The following TM4SF20 variants were observed in gnomAD, a reference collection of about 807,000 sequenced individuals.
The protein encoded by TM4SF20 is transmembrane 4 L six family member 20.
TM4SF20 carries 13 observed loss-of-function variants against 15.1 expected under a neutral mutation model. The observed-to-expected ratio is 0.86, with a 90% CI of 0.56 to 1.36. The LOEUF (loss-of-function observed/expected upper bound fraction) is 1.36, where lower values mean the gene tolerates loss of function less well. TM4SF20 is among the 40% of genes most tolerant of loss of function. The pLI, the probability that TM4SF20 is intolerant of heterozygous loss-of-function variation, is 0.00. For synonymous variants in TM4SF20, 92 were observed against 96.6 expected, an observed-to-expected ratio of 0.95 and a Z score of 0.28; for missense variants, 282 against 268.4, an observed-to-expected ratio of 1.05 and a Z score of -0.35.
chr2:227,378,362 C>A (rs2076462075), intron 1 of TM4SF20, among the ~76,000 whole-genome samples: 1 of 152,208 alleles, frequency 6.6e-6, no homozygotes, highest in African/African-American at 2.4e-5. Flanking sequence ...ACCCAGAATT[C>A]TCAGGAGAAA....
At chr2:227,366,010 G>A in intron 3 of TM4SF20, 83 bp downstream of exon 3, 4 of 1,352,070 alleles carry the variant, frequency 3.0e-6, no homozygotes, top group Non-Finnish European at 4.0e-6. Context: ...ATAAAAACAT[G>A]GCATTGTTCC....
intron 1 of TM4SF20, among the ~76,000 whole-genome samples, chr2:227,375,768 C>T (rs1272883048): frequency 3.3e-5 from 5 of 152,184 alleles, no homozygotes; most frequent in Admixed American, 3.3e-4. Flanking sequence ...GGATTACAGA[C>T]ATGAGCCACC....
chr2:227,378,332 G>A (rs150223725), intron 1 of TM4SF20, among the ~76,000 whole-genome samples: 286 of 152,254 alleles, frequency 1.9e-3, no homozygotes, highest in Non-Finnish European at 3.1e-3. Flanking sequence ...ATACAAATGC[G>A]TCCTACCCAG....
At chr2:227,378,957 G>A (rs535548981) in intron 1 of TM4SF20, 129 bp downstream of exon 1, 43 of 803,302 alleles carry the variant, frequency 5.4e-5, no homozygotes, top group Admixed American at 1.9e-4. Context: ...ATAAATTAAT[G>A]CCATACTACT....
intron 2 of TM4SF20, among the ~76,000 whole-genome samples, chr2:227,369,968 C>T (rs975475614): frequency 6.6e-6 from 1 of 152,156 alleles, no homozygotes; most frequent in African/African-American, 2.4e-5. Context: ...ATTCCTTCGT[C>T]AATCAAACAC....
chr2:227,370,840 A>C, intron 2 of TM4SF20, 75 bp downstream of exon 2: 1 of 1,194,170 alleles, frequency 8.4e-7, no homozygotes. Flanking sequence ...GATGCGAGTG[A>C]CTCAGTGTGG....
rs1172063781 is a variant in TM4SF20, at chr2:227,363,828, A to G, written c.586T>C (p.Leu196=). 1.9e-6 allele frequency: 3 copies of G among 1,614,072 alleles called. No homozygotes were observed. Among genetic ancestry groups the G allele is most frequent in the East Asian group, 2.2e-5 (1 of 44,890 alleles). ...AGGACCTCCAGAATTCCAACAAGCA[A>G]TAGACCTAAAAATACTGAGAAGTGG... The part of the protein sequence containing the change: ...LIHFSVFLGL[L]LVGILEVLFG... Residue 196 remains leucine, a synonymous_variant, in exon 4 of 4, where the codon TTG becomes CTG. Transcript: ENST00000304568.
intron 1 of TM4SF20, among the ~76,000 whole-genome samples, chr2:227,374,088 T>TAAAAAAAAAAA (rs79866106): frequency 1.2e-5 from 1 of 85,310 alleles, no homozygotes; most frequent in African/African-American, 4.6e-5. Flanking sequence ...AGACCCTGTC[T>TAAAAAAAAAAA]AAAAAAAAAA....
Position 227,366,141 on chromosome 2 carries a change from G to A in TM4SF20, c.353C>T (p.Ser118Phe). 1 of 1,613,894 alleles carries A rather than the reference G, an allele frequency of 6.2e-7. No individual in the cohort carries two copies. The highest frequency in any genetic ancestry group is 8.5e-7 in the Non-Finnish European group (1 of 1,179,938). The change falls in exon 3 of 4, where the codon TCT becomes TTT. Residue 118 changes from serine to phenylalanine, a missense_variant. Transcript: ENST00000304568. ...ALLKGPLMCN[S>F]PSNSNANCEF... Reference sequence around the variant, plus strand: ...ACAATTGGCATTACTGTTGCTTGGAGAATTACACATGAGAGGACCTTTTAA... The same window carrying A: ...ACAATTGGCATTACTGTTGCTTGGAAAATTACACATGAGAGGACCTTTTAA...
intron 2 of TM4SF20, among the ~76,000 whole-genome samples, chr2:227,368,330 A>AT (rs1320512024): frequency 1.8e-5 from 1 of 56,504 alleles, no homozygotes; most frequent in Non-Finnish European, 3.6e-5. Flanking sequence ...GCCGCCATCT[A>AT]TTATTTATAT....
chr2:227,372,672 G>C (rs1303700868), intron 1 of TM4SF20, among the ~76,000 whole-genome samples: 1 of 152,008 alleles, frequency 6.6e-6, no homozygotes, highest in East Asian at 1.9e-4. Context: ...AAAAAAGCTA[G>C]TCATTTGGGG....
intron 3 of TM4SF20, among the ~76,000 whole-genome samples, chr2:227,364,979 T>C (rs1261451838): frequency 6.6e-6 from 1 of 152,222 alleles, no homozygotes; most frequent in Non-Finnish European, 1.5e-5. Context: ...GGCTTGATCT[T>C]GGCTCACTGC....
upstream of TM4SF20, chr2:227,379,364 A>T: frequency 3.6e-6 from 4 of 1,101,632 alleles, no homozygotes; most frequent in Non-Finnish European, 5.2e-6. Flanking sequence ...TTTAACGCTA[A>T]TAAAAAATGA....
chr2:227,378,430 A>G (rs2076462413), intron 1 of TM4SF20, among the ~76,000 whole-genome samples: 1 of 152,196 alleles, frequency 6.6e-6, no homozygotes, highest in Non-Finnish European at 1.5e-5. Flanking sequence ...TATATTTAGG[A>G]GTTCCATCCT....
chr2:227,379,047 AG>A, intron 1 of TM4SF20, 38 bp downstream of exon 1: 3 of 1,587,114 alleles, frequency 1.9e-6, no homozygotes, highest in Non-Finnish European at 1.7e-6. Flanking sequence ...TGAAATAGGC[AG>A]GCCCTTCTTC....
rs539535134 is a variant in TM4SF20 at position 227,368,093 on chromosome 2, G to A, written c.250-1849C>T. Among the ~76,000 whole-genome samples the A allele has an allele frequency of 5.0e-5, 7 of 140,124 alleles. No homozygotes were observed. The East Asian group carries it at 1.4e-3, about 29-fold the overall frequency. The allele number at this position is 140,124 out of a possible 152,430, so 91.9% of individuals were successfully genotyped here. On this transcript the variant is annotated intron_variant, in intron 2 of 3. Coordinates refer to ENST00000304568, the MANE Select transcript of TM4SF20 (RefSeq NM_024795.4). Reference sequence around the variant, plus strand: ...GGCTGGAGTGCAGTGGCATGATCTCGGCTCACTGCAAGCTCCGCCTCCCGG... The same window carrying A: ...GGCTGGAGTGCAGTGGCATGATCTCAGCTCACTGCAAGCTCCGCCTCCCGG...
chr2:227,366,352 T>C lies in TM4SF20; in HGVS notation c.250-108A>G, dbSNP rs150054303. ...TTTAAATCCAGTCGCCCTAAAATCC[T>C]GGATCTTAAGATCACAGTTTATTAG... On this transcript the variant is annotated intron_variant, in intron 2 of 3. Transcript: ENST00000304568. The C allele has an allele frequency of 4.2e-3, 3,946 of 945,964 alleles. 20 individuals carry two copies. Among genetic ancestry groups the C allele is most frequent in the Non-Finnish European group, 5.2e-3 (3,340 of 639,552 alleles). The allele number at this position is 945,964 out of a possible 1,614,324, so 58.6% of individuals were successfully genotyped here.
chr2:227,366,716 CAAAAAAA>C lies in TM4SF20; in HGVS notation c.250-479_250-473del, dbSNP rs59401554. On this transcript the variant is annotated intron_variant, in intron 2 of 3. Transcript: ENST00000304568. ...GCTGGGTGACAGAGCAAGACTCTGT[CAAAAAAA>C]AAAAAAAAAAAAAAAAAAAAAAAAA... 2.9e-4 allele frequency among the ~76,000 whole-genome samples: 20 copies of C among 68,198 alleles called. No homozygotes were observed. In the East Asian group the frequency reaches 3.5e-3, roughly 12 times the overall value. The allele number at this position is 68,198 out of a possible 152,430, so 44.7% of individuals were successfully genotyped here. A position where few individuals can be genotyped will look rare whatever the true frequency, so the allele number is the denominator to read the frequency against.
chr2:227,371,032 A>T, intron 1 of TM4SF20, 52 bp from the exon 2 acceptor site: 1 of 1,449,292 alleles, frequency 6.9e-7, no homozygotes. Context: ...TCATCAGAAG[A>T]AAAAATAGTA....
Sources: allele counts gnomAD v4.1 joint callset (sites outside exome capture counted in the v4.1 genomes callset), GRCh38; gene constraint gnomAD v4.1.1; transcripts MANE v1.5; gene names NCBI Gene and HGNC (gene_info 2026-07-23, HGNC 2026-07-21).